Variants in SDK2 observed in about 807,000 individuals in gnomAD.
The protein encoded by SDK2 is sidekick cell adhesion molecule 2.
A neutral mutation model predicts 253.9 loss-of-function variants in SDK2; 105 were observed. The ratio of observed to expected loss-of-function variants is 0.41; its 90% CI spans 0.35 to 0.49. The LOEUF is 0.49. SDK2 is among the 20% of genes least tolerant of loss of function. The probability of loss-of-function intolerance (pLI) is 0.06; values close to 1 mark genes in which losing one functional copy is unlikely to be tolerated. For missense variants in SDK2, 2,608 were observed against 3,003.0 expected (o/e 0.87, Z 3.07); for synonymous variants, 1,249 against 1,234.9 (o/e 1.01, Z -0.24).
intron 37 of SDK2, among the ~76,000 whole-genome samples, chr17:73,365,909 G>A (rs73999006): frequency 1.6e-4 from 25 of 152,200 alleles, no homozygotes; most frequent in African/African-American, 5.8e-4. Context: ...GAGGCCCCAC[G>A]CAGTCAGGGG....
chr17:73,479,266 G>T (rs2063706721), intron 2 of SDK2, among the ~76,000 whole-genome samples: 1 of 152,236 alleles, frequency 6.6e-6, no homozygotes, highest in Non-Finnish European at 1.5e-5. Flanking sequence ...CGGGAACCCA[G>T]ATTTCCTTCC....
At chr17:73,494,776 C>T (rs995655502) in intron 2 of SDK2, among the ~76,000 whole-genome samples, 2 of 152,314 alleles carry the variant, frequency 1.3e-5, no homozygotes, top group East Asian at 3.9e-4. Context: ...TGAGGCCACA[C>T]TCGGTCCCCT....
chr17:73,504,261 TGTGTGAAAGA>T (rs2063915640), intron 2 of SDK2: 1 of 71,884 alleles, frequency 1.4e-5, no homozygotes, highest in South Asian at 4.5e-4. Flanking sequence ...TGTGTGTGTG[TGTGTGAAAGA>T]GAGAGAGAGA....
chr17:73,582,845 A>G (rs2045554472), intron 1 of SDK2, among the ~76,000 whole-genome samples: 1 of 152,178 alleles, frequency 6.6e-6, no homozygotes, highest in Admixed American at 6.5e-5. Context: ...CTGTGTGCAG[A>G]AGCGTGGTGG....
At chr17:73,563,104 T>C (rs1210713855) in intron 1 of SDK2, among the ~76,000 whole-genome samples, 1 of 152,220 alleles carries the variant, frequency 6.6e-6, no homozygotes, top group Non-Finnish European at 1.5e-5. Context: ...GCGAGGAGGC[T>C]TGGACAGGCA....
In SDK2 at chr17:73,609,126, T is replaced by C. The variant is rs2045943447; in HGVS notation, c.64+34899A>G. Among the ~76,000 whole-genome samples, 1 of 152,146 alleles carries C rather than the reference T, an allele frequency of 6.6e-6. No homozygotes were observed. Among genetic ancestry groups the C allele is most frequent in the African/African-American group, 2.4e-5 (1 of 41,432 alleles). On this transcript the variant is annotated intron_variant, in intron 1 of 44. Transcript: ENST00000392650. The surrounding 1 kb of genome is among the most constrained non-coding windows in gnomAD (Gnocchi z 4.4). ...TGGAGGAAAGCCTTTTTGGGGAAGA[T>C]CAGGAGTTTGCAAGACCTTGTGTGT... is the stretch of plus-strand genomic sequence containing the variant.
intron 12 of SDK2, 41 bp downstream of exon 12, chr17:73,430,470 C>A: frequency 6.8e-7 from 1 of 1,460,518 alleles, no homozygotes. Flanking sequence ...GCCAGAGGCT[C>A]CCCCTCCCCT....
chr17:73,420,093 G>T (rs1442668005), intron 15 of SDK2, among the ~76,000 whole-genome samples: 1 of 152,176 alleles, frequency 6.6e-6, no homozygotes, highest in East Asian at 1.9e-4. Flanking sequence ...CCAGGCAGGA[G>T]CAGGGCGGGC....
At chr17:73,368,357 A>C (rs747046196) in intron 37 of SDK2, 50 bp downstream of exon 37, 2 of 1,370,482 alleles carry the variant, frequency 1.5e-6, no homozygotes, top group South Asian at 3.3e-5. Flanking sequence ...TCCTCTTGCA[A>C]CCCCCCGTGG....
Position 73,443,228 on chromosome 17 carries a change from GCT to G in SDK2, c.614-2307_614-2306del, listed in dbSNP as rs1010125752. 1.3e-5 allele frequency among the ~76,000 whole-genome samples: 2 copies of G among 152,178 alleles called. No individual in the cohort carries two copies. The highest frequency in any genetic ancestry group is 4.8e-5 in the African/African-American group (2 of 41,436). ...TTTTCCTTCCTTGACTCCAGGCCTT[GCT>G]AGAAAAGGCCCAGGAAGAATGCGCA... On this transcript the variant is annotated intron_variant, in intron 5 of 44. Coordinates refer to ENST00000392650, the MANE Select transcript of SDK2 (RefSeq NM_001144952.2). The surrounding 1 kb of genome is among the most constrained non-coding windows in gnomAD (Gnocchi z 4.6).
chr17:73,592,275 T>A (rs376696428), intron 1 of SDK2, among the ~76,000 whole-genome samples: 22 of 152,310 alleles, frequency 1.4e-4, no homozygotes, highest in Middle Eastern at 3.4e-3. Context: ...TCGGCCCCCA[T>A]CATGCCGAAA....
At chr17:73,448,722 A>G (rs1449393650) in intron 4 of SDK2, among the ~76,000 whole-genome samples, 1 of 149,920 alleles carries the variant, frequency 6.7e-6, no homozygotes, top group Non-Finnish European at 1.5e-5. Context: ...GTGCAATGGT[A>G]CGATCTTGGC....
chr17:73,559,590 C>T (rs2045197071), intron 1 of SDK2, among the ~76,000 whole-genome samples: 1 of 137,290 alleles, frequency 7.3e-6, no homozygotes, highest in Admixed American at 7.2e-5. Flanking sequence ...CCCCACTCCG[C>T]TCCCTGTGCC....
Position 73,455,579 on chromosome 17 carries a change from G to A in SDK2, c.479+327C>T, listed in dbSNP as rs1055834749. Among the ~76,000 whole-genome samples, 1 of 152,226 alleles carries A rather than the reference G, an allele frequency of 6.6e-6. No homozygotes were observed. Among genetic ancestry groups the A allele is most frequent in the African/African-American group, 2.4e-5 (1 of 41,454 alleles). The stretch of plus-strand genomic sequence containing the variant: ...CGCCACTGGCCTGAGTCCTGGGCCT[G>A]TAACCACGGTGACAGCGCCTTCGTA... On this transcript the variant is annotated intron_variant, in intron 4 of 44. Transcript: ENST00000392650. This position sits in a 1 kb window ranked among gnomAD's most constrained non-coding sequence, Gnocchi z 5.0.
chr17:73,447,829 G>A lies in SDK2; in HGVS notation c.480-81C>T. ...GGGAGTGGGAGTGGAAACCCTAAGG[G>A]GGAAGCCCGACCATATCTCCCAGTC... On this transcript the variant is annotated intron_variant, in intron 4 of 44. Coordinates refer to ENST00000392650, the MANE Select transcript of SDK2 (RefSeq NM_001144952.2). This position sits in a 1 kb window ranked among gnomAD's most constrained non-coding sequence, Gnocchi z 4.0. 1.3e-6 allele frequency: 2 copies of A among 1,508,294 alleles called. No homozygotes were observed. Among genetic ancestry groups the A allele is most frequent in the Non-Finnish European group, 1.8e-6 (2 of 1,112,302 alleles). The allele number at this position is 1,508,294 out of a possible 1,614,324, so 93.4% of individuals were successfully genotyped here.
chr17:73,386,959 A>C (rs2062877555), intron 30 of SDK2, among the ~76,000 whole-genome samples: 1 of 151,860 alleles, frequency 6.6e-6, no homozygotes, highest in South Asian at 2.1e-4. Context: ...TTTGAGATGG[A>C]GTCTTTTTTT....
intron 1 of SDK2, among the ~76,000 whole-genome samples, chr17:73,637,448 G>A (rs8070308): frequency 6.6e-6 from 1 of 152,126 alleles, no homozygotes; most frequent in South Asian, 2.1e-4. Flanking sequence ...GCGTGTTCTC[G>A]GCTCACTGCA....
At chr17:73,350,603 A>G in intron 42 of SDK2, 47 bp downstream of exon 42, 1 of 1,579,994 alleles carries the variant, frequency 6.3e-7, no homozygotes, top group Non-Finnish European at 8.6e-7. Context: ...AAAAGGAGAT[A>G]CATAAAACTC....
intron 14 of SDK2, 100 bp downstream of exon 14, chr17:73,423,286 C>G (rs974021589): frequency 3.4e-6 from 4 of 1,174,724 alleles, no homozygotes; most frequent in South Asian, 3.1e-5. Flanking sequence ...TGCTCAAAGG[C>G]CCAGAACTAG....
Sources: gnomAD v4.1 joint callset for allele counts (sites outside exome capture counted in the v4.1 genomes callset) on GRCh38, gnomAD v4.1.1 for gene constraint, Gnocchi (gnomAD v3.1) non-coding constraint, MANE v1.5 for transcripts, NCBI Gene and HGNC (gene_info 2026-07-23, HGNC 2026-07-21) for gene names.